The following WDR7 variants were observed in gnomAD, a reference collection of about 807,000 sequenced individuals.
WDR7 encodes WD repeat domain 7, also known as WD repeat-containing protein 7.
Under a neutral mutation model 169.4 loss-of-function variants are expected in WDR7, and 46 were observed. The observed-to-expected ratio is 0.27, with a 90% CI of 0.21 to 0.35. WDR7 has a LOEUF of 0.35. WDR7 is among the 10% of genes least tolerant of loss of function. The probability of loss-of-function intolerance (pLI) is 1.00; values close to 1 mark genes in which losing one functional copy is unlikely to be tolerated. For synonymous variants in WDR7, 612 were observed against 666.8 expected (o/e 0.92, Z 1.27); for missense variants, 1,534 against 1,859.3 (o/e 0.83, Z 3.22).
At chr18:56,969,322 A>C (rs1423941180) in intron 26 of WDR7, among the ~76,000 whole-genome samples, 1 of 152,188 alleles carries the variant, frequency 6.6e-6, no homozygotes, top group Non-Finnish European at 1.5e-5. Context: ...CTGACAGCCT[A>C]AATTAGGCTC....
At chr18:56,815,896 C>A in intron 19 of WDR7, 135 bp from the exon 20 acceptor site, 2 of 669,982 alleles carry the variant, frequency 3.0e-6, no homozygotes, top group South Asian at 4.2e-5. Flanking sequence ...ATTTGTGTCT[C>A]TAATTTTGGT....
At chr18:56,667,306 T>A (rs2025045670) in intron 1 of WDR7, among the ~76,000 whole-genome samples, 1 of 152,156 alleles carries the variant, frequency 6.6e-6, no homozygotes, top group Non-Finnish European at 1.5e-5. Context: ...GTACTCTAAC[T>A]TTAGCTAAGC....
rs78784752 is a variant in WDR7 at position 56,965,027 on chromosome 18, T to G, written c.4164+2498T>G. ...GGGTAGCATGTTTAGAAATGATGTA[T>G]TATAGGTGAATCAAAGGATCATTTT... On this transcript the variant is annotated intron_variant, in intron 26 of 27. Coordinates refer to ENST00000254442, the MANE Select transcript of WDR7 (RefSeq NM_015285.3). Among the ~76,000 whole-genome samples the G allele has an allele frequency of 7.7e-3, 1,165 of 152,268 alleles. 16 individuals carry two copies. Among genetic ancestry groups the G allele is most frequent in the African/African-American group, 0.027 (1,109 of 41,552 alleles).
At chr18:56,718,539 CA>C (rs1317056148) in intron 13 of WDR7, among the ~76,000 whole-genome samples, 1 of 152,110 alleles carries the variant, frequency 6.6e-6, no homozygotes, top group Admixed American at 6.5e-5. Flanking sequence ...CAATGCTGGG[CA>C]GTTACTTGTA....
chr18:56,653,099 G>C (rs1280190968), intron 1 of WDR7, among the ~76,000 whole-genome samples: 1 of 152,118 alleles, frequency 6.6e-6, no homozygotes, highest in African/African-American at 2.4e-5. Flanking sequence ...ATGTTTATTA[G>C]ATGTATGAGT....
chr18:56,924,759 CT>C (rs2046779457), intron 22 of WDR7, among the ~76,000 whole-genome samples: 1 of 152,154 alleles, frequency 6.6e-6, no homozygotes, highest in African/African-American at 2.4e-5. Context: ...GCAAAGAGTT[CT>C]TTTGTTTCCT....
At chr18:56,764,592 A>G (rs1014939115) in intron 16 of WDR7, among the ~76,000 whole-genome samples, 1 of 152,132 alleles carries the variant, frequency 6.6e-6, no homozygotes, top group Non-Finnish European at 1.5e-5. Context: ...AGTATATAAT[A>G]CATTGTTACT....
At chr18:56,713,221 G>A (rs1035539578) in intron 12 of WDR7, among the ~76,000 whole-genome samples, 5 of 152,102 alleles carry the variant, frequency 3.3e-5, no homozygotes, top group Admixed American at 3.3e-4. Flanking sequence ...TATGAAATTT[G>A]TATTTACATC....
intron 20 of WDR7, among the ~76,000 whole-genome samples, chr18:56,824,555 A>AT (rs1298764370): frequency 2.0e-5 from 3 of 152,230 alleles, no homozygotes; most frequent in Non-Finnish European, 4.4e-5. Context: ...ACTTAAACAC[A>AT]TTTGCTATAT....
In WDR7 at chr18:56,756,962, T is replaced by C. The variant is rs763007352; in HGVS notation, c.2369T>C (p.Leu790Pro). Residue 790 changes from leucine to proline, a missense_variant, in exon 15 of 28, where the codon CTA becomes CCA. Transcript: ENST00000254442. ...TCCAGCAAATCAAAGCCATTGACCC[T>C]ATTAGAATATAATTTAACTATGGAC... ...YRSSKSKPLT[L>P]LEYNLTMDTA... The C allele has an allele frequency of 6.2e-7, 1 of 1,614,148 alleles. No individual in the cohort carries two copies. Among genetic ancestry groups the C allele is most frequent in the South Asian group, 1.1e-5 (1 of 91,076 alleles).
chr18:56,720,711 G>C (rs1351901591), intron 13 of WDR7, among the ~76,000 whole-genome samples: 1 of 152,130 alleles, frequency 6.6e-6, no homozygotes, highest in Admixed American at 6.6e-5. Context: ...GAGTTTTCTA[G>C]AAGGAAATGA....
intron 16 of WDR7, among the ~76,000 whole-genome samples, chr18:56,761,261 T>A (rs1272785193): frequency 6.6e-6 from 1 of 152,190 alleles, no homozygotes; most frequent in African/African-American, 2.4e-5. Context: ...TCACCCACTT[T>A]GGCCTCCCAA....
chr18:56,992,568 T>G (rs1463173783), intron 26 of WDR7, among the ~76,000 whole-genome samples: 3 of 152,206 alleles, frequency 2.0e-5, no homozygotes, highest in Admixed American at 6.5e-5. Context: ...GTCTATGTCT[T>G]AATTAGGAGT....
chr18:57,024,074 A>G (rs1293799488), intron 27 of WDR7, among the ~76,000 whole-genome samples: 1 of 152,180 alleles, frequency 6.6e-6, no homozygotes, highest in Non-Finnish European at 1.5e-5. Context: ...GGAGGTCTGG[A>G]AGGTTGTTTA....
At chr18:56,875,775 A>G (rs2046013855) in intron 20 of WDR7, among the ~76,000 whole-genome samples, 6 of 152,164 alleles carry the variant, frequency 3.9e-5, no homozygotes, top group Admixed American at 3.9e-4. Context: ...ACTTAACTGT[A>G]TTAATTTTTA....
chr18:56,896,875 A>C (rs1438968149), intron 21 of WDR7, among the ~76,000 whole-genome samples: 1 of 151,884 alleles, frequency 6.6e-6, no homozygotes, highest in Non-Finnish European at 1.5e-5. Context: ...ACTTGAAAGA[A>C]AGTGAAAAAT....
intron 21 of WDR7, among the ~76,000 whole-genome samples, chr18:56,913,495 C>A (rs2046581145): frequency 6.6e-6 from 1 of 151,816 alleles, no homozygotes; most frequent in Non-Finnish European, 1.5e-5. Context: ...TGTTTTTAAT[C>A]TAGAATTCAG....
chr18:56,995,897 CT>C (rs1225565581), intron 26 of WDR7, among the ~76,000 whole-genome samples: 8 of 152,162 alleles, frequency 5.3e-5, no homozygotes, highest in Non-Finnish European at 1.0e-4. Context: ...AGGTGAAGAG[CT>C]ATTTTGTCCA....
chr18:56,900,425 C>G (rs1057006652), intron 21 of WDR7, among the ~76,000 whole-genome samples: 5 of 152,030 alleles, frequency 3.3e-5, no homozygotes, highest in Non-Finnish European at 7.4e-5. Context: ...GAAACCACAT[C>G]AGTTACCTAA....
Sources: allele counts gnomAD v4.1 joint callset (sites outside exome capture counted in the v4.1 genomes callset), GRCh38; gene constraint gnomAD v4.1.1; transcripts MANE v1.5; gene names NCBI Gene and HGNC (gene_info 2026-07-23, HGNC 2026-07-21).